Variants in CDC42BPB observed in about 807,000 individuals in gnomAD.
CDC42BPB encodes CDC42 binding protein kinase beta, also known as serine/threonine-protein kinase MRCK beta.
In CDC42BPB, 37 loss-of-function variants were observed where a neutral mutation model predicts 214.9. The ratio of observed to expected loss-of-function variants is 0.17; its 90% CI spans 0.13 to 0.23. The LOEUF (loss-of-function observed/expected upper bound fraction) is 0.23. CDC42BPB is among the 10% of genes least tolerant of loss of function. The probability of loss-of-function intolerance (pLI) is 1.00; values close to 1 mark genes in which losing one functional copy is unlikely to be tolerated. For synonymous variants in CDC42BPB, 931 were observed against 884.0 expected (o/e 1.05, Z -0.94); for missense variants, 1,694 against 2,227.0 (o/e 0.76, Z 4.82).
intron 11 of CDC42BPB, among the ~76,000 whole-genome samples, chr14:102,974,656 C>T (rs984211066): frequency 1.3e-5 from 2 of 152,216 alleles, no homozygotes; most frequent in African/African-American, 4.8e-5. Flanking sequence ...GAGGTTAAGG[C>T]TTAAAAGTGA....
intron 1 of CDC42BPB, among the ~76,000 whole-genome samples, chr14:103,038,850 G>A (rs895066236): frequency 2.0e-5 from 3 of 151,194 alleles, no homozygotes; most frequent in South Asian, 2.1e-4. Context: ...TAAAATATAC[G>A]TAACATAAAA....
At chr14:103,056,283 C>T (rs1359429672) in intron 1 of CDC42BPB, among the ~76,000 whole-genome samples, 1 of 152,124 alleles carries the variant, frequency 6.6e-6, no homozygotes, top group Non-Finnish European at 1.5e-5. Flanking sequence ...AAAAAAAAGT[C>T]CTCTTGCACG....
chr14:102,947,824 C>T (rs1391849711), intron 26 of CDC42BPB, 22 bp from the exon 27 acceptor site: 5 of 1,612,010 alleles, frequency 3.1e-6, no homozygotes, highest in Non-Finnish European at 3.4e-6. Flanking sequence ...GAAACATTGA[C>T]CCCGCTGGGA....
chr14:102,952,742 C>T lies in CDC42BPB; in HGVS notation c.3067-139G>A, dbSNP rs1011827759. The T allele has an allele frequency of 2.0e-5, 29 of 1,458,724 alleles. No individual in the cohort carries two copies. The South Asian group carries it at 2.2e-4, about 11-fold the overall frequency. 90.4% of individuals were successfully genotyped at this position (1,458,724 alleles called of 1,614,324 possible). On this transcript the variant is annotated intron_variant, in intron 23 of 36. Coordinates refer to ENST00000361246, the MANE Select transcript of CDC42BPB (RefSeq NM_006035.4). ...ATGTGCAAGTTCTGGTCTTGGTCTA[C>T]GTGTTCCCTAACAGGGCTCATCAAA...
chr14:102,995,845 G>A (rs1341987238), intron 5 of CDC42BPB, among the ~76,000 whole-genome samples: 1 of 152,196 alleles, frequency 6.6e-6, no homozygotes, highest in East Asian at 1.9e-4. Context: ...ATTTCTTTCT[G>A]ACCCTACCAA....
intron 2 of CDC42BPB, among the ~76,000 whole-genome samples, chr14:103,011,461 G>A (rs1886156366): frequency 6.6e-6 from 1 of 152,228 alleles, no homozygotes; most frequent in African/African-American, 2.4e-5. Flanking sequence ...GGCTGGGCGT[G>A]GTGACTCACA....
chr14:102,972,449 G>A, intron 12 of CDC42BPB: 1 of 396,088 alleles, frequency 2.5e-6, no homozygotes, highest in Non-Finnish European at 3.4e-6. Flanking sequence ...CACTTTTGGA[G>A]GCCAAGGTGG....
intron 1 of CDC42BPB, among the ~76,000 whole-genome samples, chr14:103,020,551 C>T (rs1031640415): frequency 6.6e-6 from 1 of 152,206 alleles, no homozygotes; most frequent in African/African-American, 2.4e-5. Flanking sequence ...TGTGCGAGGG[C>T]CCAGGCACAC....
At chr14:102,967,987 T>C (rs1893294555) in intron 16 of CDC42BPB, among the ~76,000 whole-genome samples, 2 of 151,900 alleles carry the variant, frequency 1.3e-5, no homozygotes, top group African/African-American at 2.4e-5. Flanking sequence ...CCCAGCCACT[T>C]GGGAGGCTGA....
At chr14:103,039,297 A>G (rs1475425278) in intron 1 of CDC42BPB, among the ~76,000 whole-genome samples, 1 of 150,774 alleles carries the variant, frequency 6.6e-6, no homozygotes, top group African/African-American at 2.4e-5. Context: ...CAAACCAAAA[A>G]AAAAAAAAAA....
At chr14:102,973,313 A>G (rs1893569992) in intron 12 of CDC42BPB, among the ~76,000 whole-genome samples, 1 of 152,268 alleles carries the variant, frequency 6.6e-6, no homozygotes, top group Non-Finnish European at 1.5e-5. Context: ...GGCACATTTT[A>G]GAGAACAGAT....
intron 11 of CDC42BPB, chr14:102,974,365 C>T: frequency 5.1e-6 from 5 of 984,212 alleles, no homozygotes; most frequent in Non-Finnish European, 6.0e-6. Flanking sequence ...GAACAGGCTC[C>T]CTAGACTTTA....
chr14:102,974,605 G>A (rs993366868), intron 11 of CDC42BPB, among the ~76,000 whole-genome samples: 1 of 152,238 alleles, frequency 6.6e-6, no homozygotes, highest in African/African-American at 2.4e-5. Context: ...GATTCAAAGT[G>A]TGCTTTGGAG....
At position 102,954,265 on chromosome 14, in the gene CDC42BPB, C is replaced by T. The variant is rs781685946; in HGVS notation, c.2999G>A (p.Arg1000Gln). 16 of 1,530,372 alleles carry T rather than the reference C, an allele frequency of 1.0e-5. No individual in the cohort carries two copies. Among genetic ancestry groups the T allele is most frequent in the Middle Eastern group, 1.7e-4 (1 of 5,826 alleles). The allele number at this position is 1,530,372 out of a possible 1,614,324, so 94.8% of individuals were successfully genotyped here. ...CACAGCGGATGGCCTCTGCGGGGGCCGAGCCATGTCCTGGGAGACAAGCAG... is the reference window on the plus strand; with the variant it reads ...CACAGCGGATGGCCTCTGCGGGGGCTGAGCCATGTCCTGGGAGACAAGCAG... ...AASEQQEDMA[R>Q]PPQRPSAVPL... Residue 1000 changes from arginine to glutamine, a missense_variant, in exon 23 of 37, where the codon CGG (arginine) becomes CAG (glutamine). Transcript: ENST00000361246.
At position 102,968,323 on chromosome 14, in the gene CDC42BPB, T is replaced by C; in HGVS notation, c.2276A>G (p.Lys759Arg). 6.2e-7 allele frequency: 1 copy of C among 1,614,150 alleles called. No individual in the cohort carries two copies. The highest frequency in any genetic ancestry group is 8.5e-7 in the Non-Finnish European group (1 of 1,180,018). Residue 759 changes from lysine to arginine, a missense_variant, in exon 16 of 37, where the codon AAA becomes AGA. Lys to Arg is a conservative substitution (Grantham distance 26). This residue lies in a region of CDC42BPB where 462 missense variants were observed against 513.5 expected (regional missense o/e 0.90). Coordinates refer to ENST00000361246, the MANE Select transcript of CDC42BPB (RefSeq NM_006035.4). ...NEMEEAVGTI[K>R]DKYERERAML... ...CGCTCTTTCTCGTTCGTATTTATCT[T>C]TTATTGTACCTACTGCCTCCTCCAT...
chr14:103,049,115 A>G (rs79489394), intron 1 of CDC42BPB, among the ~76,000 whole-genome samples: 10,643 of 152,284 alleles, frequency 0.07, 847 homozygotes, highest in African/African-American at 0.2. Flanking sequence ...TGGAGGGACA[A>G]TGTAGAACAG....
In CDC42BPB at chr14:102,938,171, C is replaced by G. The variant is rs1467901454; in HGVS notation, c.4937G>C (p.Gly1646Ala). 1.9e-6 allele frequency: 3 copies of G among 1,613,464 alleles called. No homozygotes were observed. Among genetic ancestry groups the G allele is most frequent in the Admixed American group, 3.3e-5 (2 of 59,974 alleles). Residue 1646 changes from glycine to alanine, a missense_variant, in exon 36 of 37, where the codon GGA becomes GCA. This residue lies in a region of CDC42BPB where 146 missense variants were observed against 134.1 expected (regional missense o/e 1.09). Coordinates refer to ENST00000361246, the MANE Select transcript of CDC42BPB (RefSeq NM_006035.4). The stretch of plus-strand genomic sequence containing the variant: ...AGGCACAGTCACGCTAGGCTCCGAT[C>G]CACCTACAGAACAAGGACAGCTTTC... ...KPYISWPSSG[G>A]SEPSVTVPLR...
intron 2 of CDC42BPB, among the ~76,000 whole-genome samples, chr14:103,009,543 T>C (rs1272257152): frequency 6.6e-6 from 1 of 152,264 alleles, no homozygotes; most frequent in Non-Finnish European, 1.5e-5. Flanking sequence ...CAATGTTATC[T>C]TCTTTGAAAC....
intron 36 of CDC42BPB, chr14:102,937,016 T>A (rs4283153): frequency 1.3e-5 from 2 of 152,260 alleles, no homozygotes; most frequent in African/African-American, 4.8e-5. Flanking sequence ...TCTATATTAT[T>A]ATGAAAATAA....
Sources: allele counts gnomAD v4.1 joint callset (sites outside exome capture counted in the v4.1 genomes callset), GRCh38; gene constraint gnomAD v4.1.1; regional missense constraint gnomAD v4.1.1; transcripts MANE v1.5; gene names NCBI Gene and HGNC (gene_info 2026-07-23, HGNC 2026-07-21).